The following PDHX variants were observed in gnomAD, a reference collection of about 807,000 sequenced individuals.
PDHX encodes pyruvate dehydrogenase complex component X, also known as pyruvate dehydrogenase protein X component, mitochondrial.
In PDHX, 33 loss-of-function variants were observed where a neutral mutation model predicts 55.3. The observed-to-expected ratio is 0.60, with a 90% confidence interval of 0.45 to 0.80. The LOEUF (loss-of-function observed/expected upper bound fraction) is 0.80, where lower values mean the gene tolerates loss of function less well. PDHX is among the 30% of genes least tolerant of loss of function. The pLI is 0.00. For missense variants in PDHX, 622 were observed against 619.9 expected, an observed-to-expected ratio of 1.00 and a Z score of -0.04; for synonymous variants, 226 against 219.4, an observed-to-expected ratio of 1.03 and a Z score of -0.27.
chr11:34,922,188 G>C (rs1565146719), intron 1 of PDHX, among the ~76,000 whole-genome samples: 1 of 152,204 alleles, frequency 6.6e-6, no homozygotes, highest in Non-Finnish European at 1.5e-5. Context: ...TGACTTCACT[G>C]TGTGAAAAAT....
intron 8 of PDHX, among the ~76,000 whole-genome samples, chr11:34,981,415 G>A (rs1317477469): frequency 6.6e-6 from 1 of 152,080 alleles, no homozygotes; most frequent in Non-Finnish European, 1.5e-5. Flanking sequence ...GGACATTTGG[G>A]TTGGTTCCAA....
intron 5 of PDHX, among the ~76,000 whole-genome samples, chr11:34,964,813 TTAGCTATTAGCATAACTAATATTAGC>T (rs780859025): frequency 0.024 from 3,510 of 143,822 alleles, 60 homozygotes; most frequent in Non-Finnish European, 0.035. Flanking sequence ...ATAACTAATA[TTAGCTATTAGCATAACTAATATTAGC>T]TAGCTATTAG....
At chr11:34,950,842 G>A (rs1220934388) in intron 3 of PDHX, among the ~76,000 whole-genome samples, 3 of 151,012 alleles carry the variant, frequency 2.0e-5, no homozygotes, top group Admixed American at 6.6e-5. Context: ...ACATACATGT[G>A]CATGTGTCTT....
chr11:34,993,637 A>G (rs1590776362), intron 10 of PDHX, among the ~76,000 whole-genome samples: 1 of 151,998 alleles, frequency 6.6e-6, no homozygotes, highest in East Asian at 1.9e-4. Context: ...CTGTTTGTCT[A>G]TCCTTTGTTT....
At chr11:34,923,369 C>G (rs1164234147) in intron 1 of PDHX, among the ~76,000 whole-genome samples, 1 of 152,004 alleles carries the variant, frequency 6.6e-6, no homozygotes, top group African/African-American at 2.4e-5. Context: ...TATATTAGCC[C>G]TGGTTTTTGG....
At chr11:34,980,070 A>T (rs1394466466) in intron 8 of PDHX, among the ~76,000 whole-genome samples, 3 of 150,266 alleles carry the variant, frequency 2.0e-5, no homozygotes, top group South Asian at 2.1e-4. Flanking sequence ...CAGCTTTTTT[A>T]AAAAATCAAT....
chr11:34,961,983 T>TA (rs1303329873), intron 5 of PDHX, among the ~76,000 whole-genome samples: 1 of 152,260 alleles, frequency 6.6e-6, no homozygotes, highest in African/African-American at 2.4e-5. Flanking sequence ...TTAATCTTGT[T>TA]AGTCTCTACC....
chr11:34,964,741 A>G (rs1590755430), intron 5 of PDHX, among the ~76,000 whole-genome samples: 1 of 138,618 alleles, frequency 7.2e-6, no homozygotes, highest in East Asian at 1.9e-4. Flanking sequence ...TTTAAAAAAT[A>G]AAGTAGCAGT....
At chr11:34,957,684 C>T (rs1854937083) in intron 4 of PDHX, 101 bp downstream of exon 4, 2 of 950,376 alleles carry the variant, frequency 2.1e-6, no homozygotes, top group African/African-American at 1.7e-5. Context: ...TTGTACATCA[C>T]GTAGGAAGTT....
intron 9 of PDHX, among the ~76,000 whole-genome samples, chr11:34,988,612 A>T (rs1590772715): frequency 6.6e-6 from 1 of 152,102 alleles, no homozygotes; most frequent in Non-Finnish European, 1.5e-5. Context: ...TCAGAAATTA[A>T]CAAGAAGAAT....
chr11:34,958,276 G>T (rs898626485), intron 4 of PDHX, among the ~76,000 whole-genome samples: 1 of 151,932 alleles, frequency 6.6e-6, no homozygotes, highest in Non-Finnish European at 1.5e-5. Flanking sequence ...TGTCAGAAAA[G>T]AATCCACAGT....
intron 2 of PDHX, among the ~76,000 whole-genome samples, chr11:34,937,919 A>G (rs1422113230): frequency 6.6e-6 from 1 of 152,214 alleles, no homozygotes; most frequent in Non-Finnish European, 1.5e-5. Context: ...CACATTTAAT[A>G]ACGTATGTGG....
chr11:34,927,554 G>A (rs1854053436), intron 1 of PDHX, among the ~76,000 whole-genome samples: 1 of 152,012 alleles, frequency 6.6e-6, no homozygotes, highest in South Asian at 2.1e-4. Flanking sequence ...TTATGTGCAG[G>A]CCTGTCACTT....
chr11:34,944,152 T>C (rs1464421716), intron 2 of PDHX, among the ~76,000 whole-genome samples: 2 of 150,702 alleles, frequency 1.3e-5, no homozygotes, highest in African/African-American at 2.5e-5. Context: ...GAGTTTTTGC[T>C]CTTGTTGCCC....
intron 2 of PDHX, among the ~76,000 whole-genome samples, chr11:34,936,977 C>T (rs750173783): frequency 2.0e-4 from 31 of 151,776 alleles, no homozygotes; most frequent in Admixed American, 3.9e-4. Flanking sequence ...TTAGTAGAGA[C>T]AAGGTTTCAC....
intron 8 of PDHX, 32 bp downstream of exon 8, chr11:34,978,214 C>T (rs769970357): frequency 1.6e-6 from 2 of 1,278,698 alleles, no homozygotes; most frequent in East Asian, 2.3e-5. Context: ...ATTTTGTCTT[C>T]TTAAGTAGTT....
intron 7 of PDHX, among the ~76,000 whole-genome samples, chr11:34,976,422 A>G (rs1237410094): frequency 6.6e-6 from 1 of 152,196 alleles, no homozygotes; most frequent in Non-Finnish European, 1.5e-5. Context: ...AAGGAATTCA[A>G]AGAGAAACCT....
chr11:34,963,223 G>A (rs370151111), intron 5 of PDHX, among the ~76,000 whole-genome samples: 1 of 152,036 alleles, frequency 6.6e-6, no homozygotes, highest in Non-Finnish European at 1.5e-5. Context: ...GCAGGCTTTG[G>A]CATAGCTGTC....
At chr11:34,991,470 T>G (rs147110570) in intron 9 of PDHX, among the ~76,000 whole-genome samples, 1 of 152,284 alleles carries the variant, frequency 6.6e-6, no homozygotes, top group East Asian at 1.9e-4. Context: ...TATTGAACAA[T>G]TAAATATAAA....
Sources: gnomAD v4.1 joint callset for allele counts (sites outside exome capture counted in the v4.1 genomes callset) on GRCh38, gnomAD v4.1.1 for gene constraint, MANE v1.5 for transcripts, NCBI Gene and HGNC (gene_info 2026-07-23, HGNC 2026-07-21) for gene names.